CDH2: variants seen among roughly 807,000 people sequenced by gnomAD.
CDH2 encodes cadherin-2.
A neutral mutation model predicts 92.0 loss-of-function variants in CDH2; 17 were observed. The observed-to-expected ratio is 0.18, with a 90% confidence interval of 0.13 to 0.28. The LOEUF (loss-of-function observed/expected upper bound fraction) is 0.28. Among genes scored for constraint, CDH2 ranks in the 10% least tolerant of loss-of-function variants. The pLI is 1.00. For synonymous variants in CDH2, 419 were observed against 415.9 expected (o/e 1.01, Z -0.09); for missense variants, 862 against 1,133.1 (o/e 0.76, Z 3.44).
At chr18:28,171,107 G>A (rs145643309) in intron 1 of CDH2, among the ~76,000 whole-genome samples, 4 of 151,918 alleles carry the variant, frequency 2.6e-5, no homozygotes, top group Non-Finnish European at 5.9e-5. Context: ...GGTGGCACAC[G>A]TAATCCCAGC....
At chr18:28,175,603 T>TGCCCCC (rs1037974252) in intron 1 of CDH2, among the ~76,000 whole-genome samples, 1 of 151,892 alleles carries the variant, frequency 6.6e-6, no homozygotes, top group Non-Finnish European at 1.5e-5. Context: ...GTCCAGCCCC[T>TGCCCCC]GCCCCCGCCC....
At chr18:28,046,743 G>T (rs1485278916) in intron 2 of CDH2, among the ~76,000 whole-genome samples, 4 of 151,528 alleles carry the variant, frequency 2.6e-5, no homozygotes, top group African/African-American at 9.7e-5. Flanking sequence ...ATTTAGATGT[G>T]CTACTTATTT....
At chr18:28,083,588 C>A (rs1360933488) in intron 2 of CDH2, among the ~76,000 whole-genome samples, 1 of 152,146 alleles carries the variant, frequency 6.6e-6, no homozygotes, top group East Asian at 1.9e-4. Context: ...TAAGAACTTG[C>A]TGAATAAGAA....
intron 2 of CDH2, among the ~76,000 whole-genome samples, chr18:28,037,143 T>C (rs888646835): frequency 3.0e-4 from 45 of 152,256 alleles, no homozygotes; most frequent in Middle Eastern, 3.4e-3. Flanking sequence ...GAATCCAAGA[T>C]TAAATGTCAA....
intron 2 of CDH2, among the ~76,000 whole-genome samples, chr18:28,042,409 G>C (rs1248656846): frequency 6.6e-6 from 1 of 152,082 alleles, no homozygotes; most frequent in Non-Finnish European, 1.5e-5. Flanking sequence ...TGGTATTATG[G>C]CTGGTGTATA....
chr18:28,043,515 T>TATATAA (rs1567976545), intron 2 of CDH2, among the ~76,000 whole-genome samples: 2 of 134,406 alleles, frequency 1.5e-5, no homozygotes, highest in African/African-American at 2.8e-5. Flanking sequence ...TATATATATA[T>TATATAA]AAACAGGTTT....
intron 1 of CDH2, among the ~76,000 whole-genome samples, chr18:28,158,231 G>A (rs190071970): frequency 4.5e-4 from 69 of 152,326 alleles, no homozygotes; most frequent in Admixed American, 1.1e-3. Context: ...ACAGCTTCCA[G>A]AAATGCATTG....
chr18:28,072,974 T>C (rs1416636238), intron 2 of CDH2, among the ~76,000 whole-genome samples: 1 of 152,198 alleles, frequency 6.6e-6, no homozygotes, highest in East Asian at 1.9e-4. Context: ...CTAGCATCCC[T>C]ATTACTGTCT....
chr18:28,072,272 C>T (rs1237706485), intron 2 of CDH2, among the ~76,000 whole-genome samples: 1 of 152,102 alleles, frequency 6.6e-6, no homozygotes, highest in East Asian at 1.9e-4. Flanking sequence ...TTCCTAATCA[C>T]CTACCTGTCC....
chr18:27,956,737 C>T (rs183213290), intron 15 of CDH2, among the ~76,000 whole-genome samples: 217 of 152,214 alleles, frequency 1.4e-3, no homozygotes, highest in African/African-American at 5.0e-3. Context: ...GAAAGAGTTC[C>T]CCCGACAATG....
At chr18:27,959,967 A>G (rs1342489272) in intron 15 of CDH2, among the ~76,000 whole-genome samples, 2 of 151,398 alleles carry the variant, frequency 1.3e-5, no homozygotes, top group East Asian at 3.9e-4. Flanking sequence ...GTTTGTTATG[A>G]TTGTGCCACT....
At chr18:28,034,349 G>A (rs2013773620) in intron 2 of CDH2, among the ~76,000 whole-genome samples, 1 of 152,090 alleles carries the variant, frequency 6.6e-6, no homozygotes, top group African/African-American at 2.4e-5. Context: ...TTCATGCTGA[G>A]CAGTCATTAT....
chr18:27,990,291 C>A lies in CDH2; in HGVS notation c.1404G>T (p.Val468=), dbSNP rs1313554330. 5.0e-6 allele frequency: 8 copies of A among 1,613,736 alleles called. No homozygotes were observed. Among genetic ancestry groups the A allele is most frequent in the Non-Finnish European group, 2.5e-6 (3 of 1,179,686 alleles). The change falls in exon 10 of 16, where the codon GTG becomes GTT. Residue 468 remains valine, a synonymous_variant. Coordinates refer to ENST00000269141, the MANE Select transcript of CDH2 (RefSeq NM_001792.5). ...GGTGCTGAATTCCCTTGGCTAATGGCACTTGATTTTCTGCAGCAACAGTAA... is the reference window on the plus strand; with the variant it reads ...GGTGCTGAATTCCCTTGGCTAATGGAACTTGATTTTCTGCAGCAACAGTAA... ...FVLTVAAENQ[V]PLAKGIQHPP... is the part of the protein sequence containing the mutation.
At chr18:28,073,420 A>T (rs2014658580) in intron 2 of CDH2, among the ~76,000 whole-genome samples, 1 of 151,748 alleles carries the variant, frequency 6.6e-6, no homozygotes, top group Non-Finnish European at 1.5e-5. Flanking sequence ...CTCTTAGTTG[A>T]TTGTTTTTTC....
intron 14 of CDH2, among the ~76,000 whole-genome samples, chr18:27,965,052 A>G (rs2011501798): frequency 1.3e-5 from 2 of 152,360 alleles, no homozygotes; most frequent in Middle Eastern, 3.4e-3. Context: ...CTCACTATCA[A>G]TGGTGCCTAA....
intron 2 of CDH2, among the ~76,000 whole-genome samples, chr18:28,098,218 AGATCTAGT>A (rs1426956612): frequency 6.6e-6 from 1 of 152,244 alleles, no homozygotes; most frequent in African/African-American, 2.4e-5. Flanking sequence ...ACATTGAAGA[AGATCTAGT>A]GATCAGGAAA....
chr18:27,985,250 A>C lies in CDH2; in HGVS notation c.1976-17T>G, dbSNP rs758578205. On this transcript the variant is annotated splice_polypyrimidine_tract_variant and intron_variant, in intron 12 of 15. Coordinates refer to ENST00000269141, the MANE Select transcript of CDH2 (RefSeq NM_001792.5). ...CAAAATCACCTATATGAAAAAGGAA[A>C]AACATAGTTTGATAGGTAATACTTA... 1.6e-5 allele frequency: 23 copies of C among 1,446,420 alleles called. No individual in the cohort carries two copies. In the South Asian group the frequency reaches 2.7e-4, roughly 17 times the overall value. The allele number at this position is 1,446,420 out of a possible 1,614,324, so 89.6% of individuals were successfully genotyped here.
At chr18:28,045,442 T>C (rs542337455) in intron 2 of CDH2, 2 of 468,258 alleles carry the variant, frequency 4.3e-6, no homozygotes, top group Non-Finnish European at 8.9e-6. Context: ...CCTTCAACAA[T>C]GTGGCCACAG....
chr18:28,146,972 A>G (rs1293591035), intron 2 of CDH2, among the ~76,000 whole-genome samples: 1 of 152,160 alleles, frequency 6.6e-6, no homozygotes, highest in Non-Finnish European at 1.5e-5. Context: ...AATTAGAGCT[A>G]AAGGAAAGGG....
Sources: allele counts gnomAD v4.1 joint callset (sites outside exome capture counted in the v4.1 genomes callset), GRCh38; gene constraint gnomAD v4.1.1; transcripts MANE v1.5; gene names NCBI Gene and HGNC (gene_info 2026-07-23, HGNC 2026-07-21).